RAB3C: variants seen among roughly 807,000 people sequenced by gnomAD.
RAB3C encodes RAB3C, member RAS oncogene family, also known as ras-related protein Rab-3C.
RAB3C carries 17 observed loss-of-function variants against 26.4 expected under a neutral mutation model. The ratio of observed to expected loss-of-function variants is 0.64; its 90% CI spans 0.44 to 0.97. RAB3C has a LOEUF of 0.97. Ranked by LOEUF, RAB3C falls within the 50% of genes least tolerant of loss-of-function variation. RAB3C has a pLI of 0.00. For synonymous variants in RAB3C, 91 were observed against 95.9 expected (o/e 0.95, Z 0.30); for missense variants, 242 against 281.9 (o/e 0.86, Z 1.01).
intron 4 of RAB3C, among the ~76,000 whole-genome samples, chr5:58,840,479 T>C (rs1297560784): frequency 6.6e-6 from 1 of 152,222 alleles, no homozygotes; most frequent in Non-Finnish European, 1.5e-5. Flanking sequence ...TTTCTTATCA[T>C]TGAGGTCTGT....
intron 3 of RAB3C, among the ~76,000 whole-genome samples, chr5:58,784,260 T>C (rs1021864601): frequency 6.6e-6 from 1 of 152,200 alleles, no homozygotes. Flanking sequence ...TGCTAATACA[T>C]ACCTGAGACT....
chr5:58,644,826 T>C (rs1171375366), intron 2 of RAB3C, among the ~76,000 whole-genome samples: 1 of 152,190 alleles, frequency 6.6e-6, no homozygotes, highest in Non-Finnish European at 1.5e-5. Flanking sequence ...TTCTCTGCAC[T>C]CTATCTTTTT....
At chr5:58,702,729 G>A (rs1465213860) in intron 2 of RAB3C, among the ~76,000 whole-genome samples, 1 of 151,940 alleles carries the variant, frequency 6.6e-6, no homozygotes, top group Non-Finnish European at 1.5e-5. Context: ...GATAATAAGA[G>A]ATACAATAGC....
intron 4 of RAB3C, among the ~76,000 whole-genome samples, chr5:58,837,853 C>T (rs1375000970): frequency 1.3e-5 from 2 of 152,142 alleles, no homozygotes; most frequent in African/African-American, 4.8e-5. Flanking sequence ...GTGACCACAC[C>T]CAGCCTTGGT....
chr5:58,699,460 G>A (rs181234064), intron 2 of RAB3C, among the ~76,000 whole-genome samples: 21 of 152,300 alleles, frequency 1.4e-4, no homozygotes, highest in African/African-American at 3.1e-4. Context: ...TATTCTTAAC[G>A]CTCAAACGCC....
intron 3 of RAB3C, among the ~76,000 whole-genome samples, chr5:58,754,911 A>G (rs138262904): frequency 1.3e-5 from 2 of 152,016 alleles, no homozygotes; most frequent in Non-Finnish European, 2.9e-5. Flanking sequence ...GCACAAATCA[A>G]TAAAGCCTTT....
intron 1 of RAB3C, among the ~76,000 whole-genome samples, chr5:58,596,265 A>G (rs1415357553): frequency 1.3e-5 from 2 of 151,748 alleles, no homozygotes; most frequent in African/African-American, 2.4e-5. Context: ...GCCAGGCAAG[A>G]GTTCTTGTGA....
chr5:58,635,707 GT>G (rs1241160243), intron 2 of RAB3C, among the ~76,000 whole-genome samples: 1 of 152,102 alleles, frequency 6.6e-6, no homozygotes, highest in Non-Finnish European at 1.5e-5. Context: ...TAGAGTAGTT[GT>G]CCCCTGAGCA....
intron 1 of RAB3C, among the ~76,000 whole-genome samples, chr5:58,594,867 T>TA (rs1285070054): frequency 7.3e-5 from 11 of 151,040 alleles, no homozygotes; most frequent in Non-Finnish European, 1.0e-4. Context: ...TTTTTTTTTT[T>TA]ACCCCAGTGG....
chr5:58,813,809 A>G (rs1423104709), intron 3 of RAB3C, among the ~76,000 whole-genome samples: 1 of 71,760 alleles, frequency 1.4e-5, no homozygotes. Context: ...AGGAATGCAG[A>G]AATGAATTTA....
At chr5:58,749,556 G>A (rs779361327) in intron 3 of RAB3C, among the ~76,000 whole-genome samples, 22 of 152,136 alleles carry the variant, frequency 1.4e-4, no homozygotes, top group Non-Finnish European at 2.5e-4. Flanking sequence ...CCTTCACAGG[G>A]AAGGTGACAT....
At chr5:58,711,884 T>C (rs1433165266) in intron 2 of RAB3C, among the ~76,000 whole-genome samples, 1 of 152,156 alleles carries the variant, frequency 6.6e-6, no homozygotes, top group Non-Finnish European at 1.5e-5. Context: ...GGTGTGATCA[T>C]CATACTGTGC....
Position 58,744,836 on chromosome 5 carries a change from A to G in RAB3C, c.371+18716A>G, listed in dbSNP as rs190618613. 4.6e-5 allele frequency among the ~76,000 whole-genome samples: 7 copies of G among 152,298 alleles called. No individual in the cohort carries two copies. In the East Asian group the frequency reaches 1.2e-3, roughly 25 times the overall value. On this transcript the variant is annotated intron_variant, in intron 3 of 4. Transcript: ENST00000282878. ...GGATTTGTTTATTTGTTTGCTTGCA[A>G]TTGAAGGGTTTTTCCACGGCAATCA...
chr5:58,600,531 G>T (rs1746429690), intron 1 of RAB3C, among the ~76,000 whole-genome samples: 1 of 151,964 alleles, frequency 6.6e-6, no homozygotes, highest in African/African-American at 2.4e-5. Flanking sequence ...ATGTTTTGTA[G>T]TTTTCCCTGT....
In RAB3C at chr5:58,736,778, A is replaced by C. The variant is rs567700507; in HGVS notation, c.371+10658A>C. On this transcript the variant is annotated intron_variant, in intron 3 of 4. Coordinates refer to ENST00000282878, the MANE Select transcript of RAB3C (RefSeq NM_138453.4). ...GGTCACGTTCACCGGTCCTGGGGTT[A>C]TAACGTCAACATCTTTTGGGAGGAC... Among the ~76,000 whole-genome samples, 3 of 152,344 alleles carry C rather than the reference A, an allele frequency of 2.0e-5. No homozygotes were observed. The East Asian group carries it at 5.8e-4, about 29-fold the overall frequency.
At chr5:58,676,824 T>TA (rs1322322380) in intron 2 of RAB3C, among the ~76,000 whole-genome samples, 1 of 152,148 alleles carries the variant, frequency 6.6e-6, no homozygotes, top group Non-Finnish European at 1.5e-5. Flanking sequence ...AGACTTTTTT[T>TA]AAAAAAAGTT....
chr5:58,755,769 CTG>C (rs1741641834), intron 3 of RAB3C, among the ~76,000 whole-genome samples: 1 of 152,180 alleles, frequency 6.6e-6, no homozygotes, highest in Non-Finnish European at 1.5e-5. Flanking sequence ...GTGGGGACTG[CTG>C]AGTACTAGGC....
At chr5:58,684,798 C>G (rs1748411849) in intron 2 of RAB3C, among the ~76,000 whole-genome samples, 1 of 152,110 alleles carries the variant, frequency 6.6e-6, no homozygotes, top group South Asian at 2.1e-4. Context: ...AGTTGCAATC[C>G]TACTTTTGCC....
At chr5:58,786,294 CT>C (rs1742379061) in intron 3 of RAB3C, among the ~76,000 whole-genome samples, 1 of 152,198 alleles carries the variant, frequency 6.6e-6, no homozygotes, top group African/African-American at 2.4e-5. Context: ...TCCACCACCC[CT>C]ACCTTCAAAT....
Sources: gnomAD v4.1 joint callset for allele counts (sites outside exome capture counted in the v4.1 genomes callset) on GRCh38, gnomAD v4.1.1 for gene constraint, MANE v1.5 for transcripts, NCBI Gene and HGNC (gene_info 2026-07-23, HGNC 2026-07-21) for gene names.